ANKRD30B: variants seen among roughly 807,000 people sequenced by gnomAD.
The protein encoded by ANKRD30B is ankyrin repeat domain-containing protein 30B.
A neutral mutation model predicts 202.2 loss-of-function variants in ANKRD30B; 144 were observed. The ratio of observed to expected loss-of-function variants is 0.71; its 90% confidence interval spans 0.62 to 0.82. The LOEUF is 0.82. Among genes scored for constraint, ANKRD30B ranks in the 40% least tolerant of loss-of-function variants. The pLI, the probability that ANKRD30B is intolerant of heterozygous loss-of-function variation, is 0.00. For missense variants in ANKRD30B, 1,487 were observed against 1,669.1 expected, an observed-to-expected ratio of 0.89 and a Z score of 1.90; for synonymous variants, 508 against 561.3, an observed-to-expected ratio of 0.91 and a Z score of 1.34.
intron 3 of ANKRD30B, 44 bp from the exon 4 acceptor site, chr18:14,754,855 A>T: frequency 7.4e-7 from 1 of 1,352,252 alleles, no homozygotes; most frequent in East Asian, 2.6e-5. Context: ...TCAGCTGAGA[A>T]ATATGTAATT....
chr18:14,844,658 C>G (rs1971558148), intron 39 of ANKRD30B, among the ~76,000 whole-genome samples: 1 of 152,228 alleles, frequency 6.6e-6, no homozygotes, highest in African/African-American at 2.4e-5. Context: ...AGAATTGCCA[C>G]ACTGTCTTCC....
intron 37 of ANKRD30B, among the ~76,000 whole-genome samples, chr18:14,841,204 G>C (rs761753017): frequency 6.6e-6 from 1 of 152,160 alleles, no homozygotes; most frequent in Non-Finnish European, 1.5e-5. Context: ...GTGAATATAA[G>C]CATATTTTCA....
the ANKRD30B span, among the ~76,000 whole-genome samples, chr18:14,886,541 T>G: frequency 3.9e-5 from 6 of 152,090 alleles, no homozygotes; most frequent in Admixed American, 1.3e-4. Context: ...GCTATGTAAT[T>G]GGTATAACTC....
the ANKRD30B span, among the ~76,000 whole-genome samples, chr18:14,888,017 A>AT: frequency 6.6e-6 from 1 of 152,104 alleles, no homozygotes; most frequent in Admixed American, 6.6e-5. Flanking sequence ...TATATACAAG[A>AT]TTTTTGGAAA....
the ANKRD30B span, among the ~76,000 whole-genome samples, chr18:14,879,001 G>T: frequency 7.1e-4 from 108 of 152,292 alleles, no homozygotes; most frequent in African/African-American, 2.5e-3. Flanking sequence ...GTTCTCCTCA[G>T]CACAGACCTG....
intron 7 of ANKRD30B, among the ~76,000 whole-genome samples, chr18:14,767,137 A>G (rs1431397238): frequency 6.6e-6 from 1 of 152,164 alleles, no homozygotes; most frequent in Non-Finnish European, 1.5e-5. Context: ...GTCAAAACCT[A>G]AGAGTAAAGT....
At chr18:14,841,441 G>C (rs1382319796) in intron 37 of ANKRD30B, among the ~76,000 whole-genome samples, 2 of 152,256 alleles carry the variant, frequency 1.3e-5, no homozygotes, top group South Asian at 2.1e-4. Context: ...TCTGGAAGAA[G>C]GGCAGTTGGA....
chr18:14,851,281 T>A (rs1312788670), intron 41 of ANKRD30B, among the ~76,000 whole-genome samples: 2 of 151,338 alleles, frequency 1.3e-5, no homozygotes, highest in Non-Finnish European at 3.0e-5. Context: ...AATTCTCTAG[T>A]CGTTTCTCTT....
At chr18:14,840,959 T>C (rs1242141158) in intron 37 of ANKRD30B, among the ~76,000 whole-genome samples, 3 of 151,644 alleles carry the variant, frequency 2.0e-5, no homozygotes, top group Non-Finnish European at 4.4e-5. Context: ...GTACAGGGAG[T>C]ACATGAGGGA....
At chr18:14,854,850 CACA>C (rs1972030445), downstream of ANKRD30B, among the ~76,000 whole-genome samples, 1 of 151,568 alleles carries the variant, frequency 6.6e-6, no homozygotes, top group African/African-American at 2.4e-5. Flanking sequence ...CACACACACA[CACA>C]CACACACACA....
the ANKRD30B span, among the ~76,000 whole-genome samples, chr18:14,912,105 C>G: frequency 6.6e-6 from 1 of 152,050 alleles, no homozygotes; most frequent in East Asian, 1.9e-4. Flanking sequence ...GTTTGAATGT[C>G]TTTTGATTTA....
rs556611577 is a variant in ANKRD30B, at chr18:14,754,982, A to C, written c.594A>C (p.Ala198=). ...VEFLLTKNAN[A]NAFNESKCTA... is the part of the protein sequence containing the mutation. ...TTTTACTAACAAAAAATGCAAATGC[A>C]AACGCATTTAATGAGTCTAAATGGT... The change falls in exon 4 of 44, where the codon GCA becomes GCC. Residue 198 remains alanine, a synonymous_variant. Transcript: ENST00000690538. The C allele has an allele frequency of 4.5e-6, 7 of 1,540,804 alleles. No individual in the cohort carries two copies. The highest frequency in any genetic ancestry group is 1.4e-5 in the African/African-American group (1 of 72,612).
chr18:14,754,139 C>T (rs1231126218), intron 3 of ANKRD30B, among the ~76,000 whole-genome samples: 1 of 152,098 alleles, frequency 6.6e-6, no homozygotes, highest in Non-Finnish European at 1.5e-5. Flanking sequence ...TCATTTGAAG[C>T]CAATCTCTTT....
intron 28 of ANKRD30B, among the ~76,000 whole-genome samples, chr18:14,810,564 T>G (rs1055712978): frequency 3.3e-5 from 5 of 151,156 alleles, no homozygotes; most frequent in African/African-American, 1.2e-4. Context: ...ACGTGACAGT[T>G]GTGAGTGTTG....
intron 40 of ANKRD30B, 107 bp downstream of exon 40, chr18:14,849,036 A>T (rs1971775025): frequency 7.5e-7 from 1 of 1,330,210 alleles, no homozygotes; most frequent in Admixed American, 3.7e-5. Context: ...CTGGAGAAAA[A>T]AATCTGTCTT....
rs553329099 is a variant in ANKRD30B, at chr18:14,811,413, A to G, written c.2488+1233A>G. On this transcript the variant is annotated intron_variant, in intron 28 of 43. Coordinates refer to ENST00000690538, the MANE Select transcript of ANKRD30B (RefSeq NM_001367607.2). ...TTTTTAGTAGAAACGGGGTTTCACCATGTTAGCCAGGATGGTCTTGACCTG... is the reference window on the plus strand; with the variant it reads ...TTTTTAGTAGAAACGGGGTTTCACCGTGTTAGCCAGGATGGTCTTGACCTG... 1.7e-3 allele frequency among the ~76,000 whole-genome samples: 252 copies of G among 151,082 alleles called. 5 individuals carry two copies. The highest frequency in any genetic ancestry group is 5.8e-3 in the African/African-American group (237 of 41,044).
intron 24 of ANKRD30B, among the ~76,000 whole-genome samples, chr18:14,804,909 A>G (rs938127217): frequency 3.3e-5 from 5 of 150,766 alleles, no homozygotes; most frequent in African/African-American, 7.4e-5. Flanking sequence ...TGTATGAAGG[A>G]AAATGGAGTG....
the ANKRD30B span, among the ~76,000 whole-genome samples, chr18:14,868,207 A>G: frequency 1.3e-5 from 2 of 152,302 alleles, no homozygotes; most frequent in African/African-American, 4.8e-5. Flanking sequence ...AAGGGGGAGT[A>G]GGAGGGCTTT....
intron 39 of ANKRD30B, among the ~76,000 whole-genome samples, chr18:14,843,885 A>T (rs1437519323): frequency 3.9e-5 from 6 of 152,136 alleles, no homozygotes; most frequent in African/African-American, 1.4e-4. Context: ...GTGATTCTGA[A>T]GCATTTGGCT....
Sources: allele counts gnomAD v4.1 joint callset (sites outside exome capture counted in the v4.1 genomes callset), GRCh38; gene constraint gnomAD v4.1.1; transcripts MANE v1.5; gene names NCBI Gene and HGNC (gene_info 2026-07-23, HGNC 2026-07-21).